Variants in VASH1 observed in about 807,000 individuals in gnomAD.
The protein encoded by VASH1 is vasohibin 1.
VASH1 carries 16 observed loss-of-function variants against 35.0 expected under a neutral mutation model. The observed-to-expected ratio is 0.46, with a 90% CI of 0.31 to 0.70. The LOEUF is 0.70. Ranked by LOEUF, VASH1 falls within the 30% of genes least tolerant of loss-of-function variation. The probability of loss-of-function intolerance (pLI) is 0.05; values close to 1 mark genes in which losing one functional copy is unlikely to be tolerated. For missense variants in VASH1, 505 were observed against 510.7 expected (o/e 0.99, Z 0.11); for synonymous variants, 214 against 200.9 (o/e 1.07, Z -0.55).
At chr14:76,775,863 G>C in intron 4 of VASH1, 29 bp from the exon 5 acceptor site, 1 of 1,524,574 alleles carries the variant, frequency 6.6e-7, no homozygotes, top group Non-Finnish European at 8.8e-7. Context: ...TGCTTCTCCT[G>C]GCTCTTTCCT....
intron 1 of VASH1, 167 bp from the exon 2 acceptor site, chr14:76,769,796 G>A: frequency 2.7e-6 from 2 of 728,502 alleles, no homozygotes; most frequent in Non-Finnish European, 4.6e-6. Context: ...GCCCTGGCAA[G>A]AGTCTTCGAA....
At chr14:76,777,079 G>A (rs1243313186) in intron 5 of VASH1, among the ~76,000 whole-genome samples, 11 of 152,230 alleles carry the variant, frequency 7.2e-5, no homozygotes, top group Admixed American at 6.5e-4. Context: ...TCAGCCTCCT[G>A]ATGGGGTGAT....
At position 76,776,118 on chromosome 14, in the gene VASH1, G is replaced by A. The variant is rs766846819; in HGVS notation, c.757G>A (p.Val253Met). Residue 253 changes from valine (V) to methionine (M), a missense_variant, in exon 5 of 7, where the codon GTG becomes ATG. Val to Met is a conservative substitution (Grantham distance 21). Transcript: ENST00000167106. Reference protein sequence around the residue: ...FEAAYGRCWHVLKKVKLGQSV... With the variant: ...FEAAYGRCWHMLKKVKLGQSV... ...GGCCGCCTACGGCCGCTGCTGGCAC[G>A]TGCTCAAGAAGGTGAAGCTGGGCCA... 1.9e-6 allele frequency: 3 copies of A among 1,609,546 alleles called. No individual in the cohort carries two copies. Among genetic ancestry groups the A allele is most frequent in the Non-Finnish European group, 1.7e-6 (2 of 1,179,638 alleles).
At position 76,779,716 on chromosome 14, in the gene VASH1, C is replaced by CA; in HGVS notation, c.*703dup. 1 of 586,672 alleles carries CA rather than the reference C, an allele frequency of 1.7e-6. No homozygotes were observed. Among genetic ancestry groups the CA allele is most frequent in the Non-Finnish European group, 3.0e-6 (1 of 331,498 alleles). The allele number at this position is 586,672 out of a possible 1,614,324, so 36.3% of individuals were successfully genotyped here. On this transcript the variant is annotated 3_prime_UTR_variant, in exon 7 of 7. Transcript: ENST00000167106. ...GCGAGCCCAGGGAAGGACCTCTGGGCAAAAAGTTCCCAGGCCCTAACTGCG... is the reference window on the plus strand; with the variant it reads ...GCGAGCCCAGGGAAGGACCTCTGGGCAAAAAAGTTCCCAGGCCCTAACTGCG...
At chr14:76,769,497 A>G in intron 1 of VASH1, 1 of 1,288,112 alleles carries the variant, frequency 7.8e-7, no homozygotes, top group Non-Finnish European at 1.0e-6. Flanking sequence ...AAGGATGCTC[A>G]CCCCCCTCAG....
At chr14:76,776,770 G>A (rs925708624) in intron 5 of VASH1, among the ~76,000 whole-genome samples, 1 of 152,156 alleles carries the variant, frequency 6.6e-6, no homozygotes, top group African/African-American at 2.4e-5. Context: ...AAAACAGCTG[G>A]GCTGAGCTGT....
At chr14:76,767,293 C>T (rs1893669809) in intron 1 of VASH1, among the ~76,000 whole-genome samples, 2 of 123,406 alleles carry the variant, frequency 1.6e-5, no homozygotes, top group Middle Eastern at 4.5e-3. Flanking sequence ...TAAAAAGTCA[C>T]GACTGTAAAT....
At chr14:76,763,690 C>CG (rs911368338) in intron 1 of VASH1, among the ~76,000 whole-genome samples, 20 of 151,906 alleles carry the variant, frequency 1.3e-4, no homozygotes, top group African/African-American at 4.1e-4. Context: ...AGGAGAAGGG[C>CG]GGGGGGTGGT....
chr14:76,768,456 G>T (rs1487425123), intron 1 of VASH1, among the ~76,000 whole-genome samples: 2 of 152,122 alleles, frequency 1.3e-5, no homozygotes, highest in South Asian at 4.1e-4. Context: ...GGGAGGGAGG[G>T]TGAGGAAGTG....
Position 76,776,222 on chromosome 14 carries a change from C to G in VASH1, c.861C>G (p.Arg287=). The G allele has an allele frequency of 6.2e-7, 1 of 1,608,490 alleles. No homozygotes were observed. Among genetic ancestry groups the G allele is most frequent in the Non-Finnish European group, 8.5e-7 (1 of 1,179,358 alleles). ...TGCTGGACGTGGAGCGCCTGGGCCG[C>G]GATGACTTCCGCAAGGAGCTGGAGC... ...HSVLDVERLG[R]DDFRKELERH... is the part of the protein sequence containing the mutation. The change falls in exon 5 of 7, where the codon CGC becomes CGG. Residue 287 remains arginine (R), a synonymous_variant. Coordinates refer to ENST00000167106, the MANE Select transcript of VASH1 (RefSeq NM_014909.5).
In VASH1 at chr14:76,781,464, G is replaced by A. The variant is rs924366684; in HGVS notation, c.*2446G>A. 1 of 152,376 alleles carries A rather than the reference G, an allele frequency of 6.6e-6. No homozygotes were observed. Among genetic ancestry groups the A allele is most frequent in the African/African-American group, 2.4e-5 (1 of 41,440 alleles). The allele number at this position is 152,376 out of a possible 1,614,324, so 9.4% of individuals were successfully genotyped here. A position where few individuals can be genotyped will look rare whatever the true frequency, so the allele number is the denominator to read the frequency against. On this transcript the variant is annotated 3_prime_UTR_variant, in exon 7 of 7. Coordinates refer to ENST00000167106, the MANE Select transcript of VASH1 (RefSeq NM_014909.5). ...CTGGATGCTGCCGCTCAGGAGCAGG[G>A]GCGTGGCCTCAGCTGCCTCTGGGAG...
chr14:76,772,778 A>G (rs1394341290), intron 3 of VASH1, among the ~76,000 whole-genome samples: 4 of 152,172 alleles, frequency 2.6e-5, no homozygotes, highest in African/African-American at 9.7e-5. Flanking sequence ...TCCTCCCCCG[A>G]CTGCCTCGCA....
rs1413465565 is a variant in VASH1, at chr14:76,779,657, A to G, written c.*639A>G. ...TCAGGCCCTTGAGGCCCCCATGGGC[A>G]GTGCTGTGTGGGCAGAGGAGGGGTG... is the stretch of plus-strand genomic sequence containing the variant. On this transcript the variant is annotated 3_prime_UTR_variant, in exon 7 of 7. Transcript: ENST00000167106. 1.7e-6 allele frequency: 1 copy of G among 605,666 alleles called. No homozygotes were observed. Among genetic ancestry groups the G allele is most frequent in the East Asian group, 2.7e-5 (1 of 36,426 alleles). The allele number at this position is 605,666 out of a possible 1,614,324, so 37.5% of individuals were successfully genotyped here.
rs1020536203 is a variant in VASH1, at chr14:76,776,268, C to G, written c.907C>G (p.Leu303Val). Residue 303 changes from leucine to valine, a missense_variant, in exon 5 of 7, where the codon CTC (leucine) becomes GTC (valine). Physicochemically the swap from Leu to Val is conservative, Grantham distance 32 (BLOSUM62 1). Transcript: ENST00000167106. ...GGAGCGCCACGCCCGCGACATGCGG[C>G]TCAAGGTCTGCCCGCCTTCCACGCC... ...ELERHARDMR[L>V]KIGKGTGPPS... 6.3e-7 allele frequency: 1 copy of G among 1,588,704 alleles called. No individual in the cohort carries two copies. The highest frequency in any genetic ancestry group is 8.5e-7 in the Non-Finnish European group (1 of 1,170,848).
In VASH1 at chr14:76,782,104, C is replaced by T. The variant is rs535842544; in HGVS notation, c.*3086C>T. Reference sequence around the variant, plus strand: ...GCAAAGTCTCCCCAAAGCCTGGCTCCTCATGCTCAGTGCCAGGGGCAGAAC... The same window carrying T: ...GCAAAGTCTCCCCAAAGCCTGGCTCTTCATGCTCAGTGCCAGGGGCAGAAC... On this transcript the variant is annotated 3_prime_UTR_variant, in exon 7 of 7. Transcript: ENST00000167106. The T allele has an allele frequency of 1.3e-5, 2 of 152,364 alleles. No individual in the cohort carries two copies. The highest frequency in any genetic ancestry group is 4.8e-5 in the African/African-American group (2 of 41,560). 9.4% of individuals were successfully genotyped at this position (152,364 alleles called of 1,614,324 possible).
Position 76,781,061 on chromosome 14 carries a change from G to C in VASH1, c.*2043G>C, listed in dbSNP as rs1462947694. 1 of 152,456 alleles carries C rather than the reference G, an allele frequency of 6.6e-6. No individual in the cohort carries two copies. The highest frequency in any genetic ancestry group is 1.5e-5 in the Non-Finnish European group (1 of 68,226). The allele number at this position is 152,456 out of a possible 1,614,324, so 9.4% of individuals were successfully genotyped here. On this transcript the variant is annotated 3_prime_UTR_variant, in exon 7 of 7. Coordinates refer to ENST00000167106, the MANE Select transcript of VASH1 (RefSeq NM_014909.5). The stretch of plus-strand genomic sequence containing the variant: ...CAGGGAGACGGATGGTGCCTTTGAA[G>C]CAAAGAGGAAGGGAAGGCAGAACCA...
rs745821392 is a variant in VASH1, at chr14:76,778,947, C to G, written c.1027C>G (p.Pro343Ala). 1 of 1,614,202 alleles carries G rather than the reference C, an allele frequency of 6.2e-7. No individual in the cohort carries two copies. The highest frequency in any genetic ancestry group is 1.1e-5 in the South Asian group (1 of 91,088). Residue 343 changes from proline to alanine, a missense_variant and splice_region_variant, in exon 7 of 7, where the codon CCC becomes GCC. By Grantham distance (27) the Pro-to-Ala change is conservative (BLOSUM62 -1). Transcript: ENST00000167106. The part of the protein sequence containing the change: ...HRRNSRSERR[P>A]SGDKKTSEPK... ...CGCTCTGCTCTCTTCCTCCCACAGG[C>G]CCTCGGGTGACAAGAAGACTTCCGA...
chr14:76,763,079 C>A lies in VASH1; in HGVS notation c.258C>A (p.Pro86=). ...RMWKHVAKIH[P]DGEKVAQRIR... The stretch of plus-strand genomic sequence containing the variant: ...GGAAACACGTGGCCAAGATCCACCC[C>A]GATGGAGAGAAGGTGGCGCAACGGA... Residue 86 remains proline, a synonymous_variant, in exon 1 of 7, where the codon CCC becomes CCA. Coordinates refer to ENST00000167106, the MANE Select transcript of VASH1 (RefSeq NM_014909.5). The A allele has an allele frequency of 6.6e-7, 1 of 1,517,840 alleles. No individual in the cohort carries two copies. 94.0% of individuals were successfully genotyped at this position (1,517,840 alleles called of 1,614,324 possible).
chr14:76,763,146 CAG>C lies in VASH1; in HGVS notation c.309+17_309+18del, dbSNP rs1491417916. ...CCTGCCCAAGGTGAGACACACGGGT[CAG>C]GGGGGTGATAGCACAGTCTAGGTTT... On this transcript the variant is annotated intron_variant, in intron 1 of 6. Coordinates refer to ENST00000167106, the MANE Select transcript of VASH1 (RefSeq NM_014909.5). 11 of 1,441,676 alleles carry C rather than the reference CAG, an allele frequency of 7.6e-6. No homozygotes were observed. Among genetic ancestry groups the C allele is most frequent in the African/African-American group, 1.4e-5 (1 of 69,958 alleles). The allele number at this position is 1,441,676 out of a possible 1,614,324, so 89.3% of individuals were successfully genotyped here. A position where few individuals can be genotyped will look rare whatever the true frequency, so the allele number is the denominator to read the frequency against.
Sources: allele counts gnomAD v4.1 joint callset (sites outside exome capture counted in the v4.1 genomes callset), GRCh38; gene constraint gnomAD v4.1.1; transcripts MANE v1.5; gene names NCBI Gene and HGNC (gene_info 2026-07-23, HGNC 2026-07-21).